PTPN3: variants seen among roughly 807,000 people sequenced by gnomAD.
PTPN3 encodes tyrosine-protein phosphatase non-receptor type 3.
Under a neutral mutation model 132.7 loss-of-function variants are expected in PTPN3, and 96 were observed. The observed-to-expected ratio is 0.72, with a 90% CI of 0.61 to 0.86. PTPN3 has a LOEUF of 0.86. Ranked by LOEUF, PTPN3 falls within the 40% of genes least tolerant of loss-of-function variation. The pLI is 0.00. For missense variants in PTPN3, 1,125 were observed against 1,159.6 expected (o/e 0.97, Z 0.43); for synonymous variants, 398 against 429.0 (o/e 0.93, Z 0.89).
Position 109,385,407 on chromosome 9 carries a change from C to T in PTPN3, c.2254-1856G>A, listed in dbSNP as rs368974307. On this transcript the variant is annotated intron_variant, in intron 22 of 25. Transcript: ENST00000374541. ...ATTCTGAAGCTTCATATCTTCAGAA[C>T]GGTAGATGCTAAGCACTGAATGGTG... Among the ~76,000 whole-genome samples, 422 of 152,306 alleles carry T rather than the reference C, an allele frequency of 2.8e-3. 24 individuals are homozygous for T. The South Asian group carries it at 0.079, about 29-fold the overall frequency.
intron 5 of PTPN3, chr9:109,451,301 C>T (rs1309986261): frequency 1.0e-6 from 1 of 984,994 alleles, no homozygotes; most frequent in Non-Finnish European, 1.2e-6. Flanking sequence ...CCCACCATGG[C>T]TCCTGTTGCA....
intron 1 of PTPN3, among the ~76,000 whole-genome samples, chr9:109,465,314 C>T (rs753647355): frequency 1.3e-5 from 2 of 152,118 alleles, no homozygotes; most frequent in East Asian, 1.9e-4. Flanking sequence ...CGGTGGTTCA[C>T]GCCTGTAATC....
chr9:109,400,153 C>T (rs1232324817), intron 19 of PTPN3, among the ~76,000 whole-genome samples: 1 of 151,938 alleles, frequency 6.6e-6, no homozygotes, highest in Admixed American at 6.5e-5. Context: ...GTCTCAAACT[C>T]CTGGCCTCAA....
chr9:109,425,475 C>T (rs1169301532), intron 12 of PTPN3, among the ~76,000 whole-genome samples: 2 of 152,032 alleles, frequency 1.3e-5, no homozygotes, highest in African/African-American at 2.4e-5. Flanking sequence ...CTTTGGGAGG[C>T]CGAGGCAGGC....
At chr9:109,393,257 C>A (rs900416530) in intron 19 of PTPN3, among the ~76,000 whole-genome samples, 11 of 152,048 alleles carry the variant, frequency 7.2e-5, no homozygotes, top group Admixed American at 2.0e-4. Flanking sequence ...GTTCAATAAT[C>A]TAGTTTACTA....
At chr9:109,408,505 G>C (rs998784130) in intron 16 of PTPN3, 128 bp from the exon 17 acceptor site, 1 of 617,052 alleles carries the variant, frequency 1.6e-6, no homozygotes, top group Non-Finnish European at 2.8e-6. Flanking sequence ...TTGGTACAGG[G>C]AGGCTTCAAA....
chr9:109,406,760 T>TACAA, intron 17 of PTPN3, 142 bp from the exon 18 acceptor site: 13 of 949,264 alleles, frequency 1.4e-5, no homozygotes, highest in Non-Finnish European at 1.9e-5. Flanking sequence ...TCATTATTTG[T>TACAA]ATAATGCATC....
In PTPN3 at chr9:109,404,538, G is replaced by C; in HGVS notation, c.1863C>G (p.Pro621=). Residue 621 remains proline, a synonymous_variant, in exon 19 of 26, where the codon CCC becomes CCG. Transcript: ENST00000374541. Reference sequence around the variant, plus strand: ...AAGTGTCCCCACCCTCCGGACACATGGGGAAAATGGCTTCGGGGAAAAGCT... The same window carrying C: ...AAGTGTCCCCACCCTCCGGACACATCGGGAAAATGGCTTCGGGGAAAAGCT... ...LNQLFPEAIF[P]MCPEGGDTLE... 1 of 1,569,332 alleles carries C rather than the reference G, an allele frequency of 6.4e-7. No homozygotes were observed. The highest frequency in any genetic ancestry group is 8.7e-7 in the Non-Finnish European group (1 of 1,151,178).
At chr9:109,512,574 C>CA in the PTPN3 span, among the ~76,000 whole-genome samples, 1 of 152,212 alleles carries the variant, frequency 6.6e-6, no homozygotes, top group Non-Finnish European at 1.5e-5. Context: ...TCCTGAATGC[C>CA]ATGAAGACTA....
At chr9:109,428,007 T>C (rs950257985) in intron 11 of PTPN3, among the ~76,000 whole-genome samples, 4 of 152,128 alleles carry the variant, frequency 2.6e-5, no homozygotes, top group Admixed American at 2.0e-4. Context: ...GCAAATGGAG[T>C]TATCACAGTG....
Position 109,391,543 on chromosome 9 carries a change from G to C in PTPN3, c.1972C>G (p.Pro658Ala). The C allele has an allele frequency of 6.2e-7, 1 of 1,613,650 alleles. No homozygotes were observed. Among genetic ancestry groups the C allele is most frequent in the Non-Finnish European group, 8.5e-7 (1 of 1,179,702 alleles). ...TTTGCAAACGTGATGGCCAAACCTG[G>C]CTTTTTTCTGTAGAGTTGCTATGTG... The part of the protein sequence containing the change: ...IQFEQLYRKK[P>A]GLAITFAKLP... The change falls in exon 20 of 26, where the codon CCA (proline) becomes GCA (alanine). Residue 658 changes from proline (P) to alanine (A), a missense_variant. Physicochemically the swap from Pro to Ala is conservative, Grantham distance 27 (BLOSUM62 -1). Coordinates refer to ENST00000374541, the MANE Select transcript of PTPN3 (RefSeq NM_002829.4).
intron 14 of PTPN3, among the ~76,000 whole-genome samples, chr9:109,419,023 G>C (rs1842714611): frequency 6.6e-6 from 1 of 152,198 alleles, no homozygotes; most frequent in Non-Finnish European, 1.5e-5. Flanking sequence ...TTCTAGATGT[G>C]CTTGTGGTTT....
At chr9:109,465,706 C>CAAAAAAAAAAAAAAAAAAAAAAAAAAAA (rs34634972) in intron 1 of PTPN3, among the ~76,000 whole-genome samples, 2 of 64,832 alleles carry the variant, frequency 3.1e-5, no homozygotes, top group African/African-American at 6.4e-5. Context: ...AACTCTGTCT[C>CAAAAAAAAAAAAAAAAAAAAAAAAAAAA]AAAAAAAAAA....
Position 109,382,293 on chromosome 9 carries a change from G to A in PTPN3, c.2528+9C>T. 1 of 1,613,412 alleles carries A rather than the reference G, an allele frequency of 6.2e-7. No individual in the cohort carries two copies. Among genetic ancestry groups the A allele is most frequent in the Non-Finnish European group, 8.5e-7 (1 of 1,179,542 alleles). On this transcript the variant is annotated intron_variant, in intron 24 of 25. Transcript: ENST00000374541. Reference sequence around the variant, plus strand: ...GATTCCAAACCTAACAAAACAGCAAGCGCCATACCTGCAGTGAACTAGGAC... The same window carrying A: ...GATTCCAAACCTAACAAAACAGCAAACGCCATACCTGCAGTGAACTAGGAC...
At chr9:109,531,857 TA>T in the PTPN3 span, among the ~76,000 whole-genome samples, 130,133 of 151,104 alleles carry the variant, frequency 0.86, 56,052 homozygotes, top group South Asian at 0.94. Flanking sequence ...ACTTGGAGGT[TA>T]AAAAAAAAAA....
At chr9:109,532,803 T>C in the PTPN3 span, 17 of 685,532 alleles carry the variant, frequency 2.5e-5, no homozygotes, top group Non-Finnish European at 3.5e-5. Context: ...ACTACACCGG[T>C]TGATGATAGA....
At chr9:109,498,689 C>G (rs1847799420), upstream of PTPN3, among the ~76,000 whole-genome samples, 1 of 152,188 alleles carries the variant, frequency 6.6e-6, no homozygotes, top group Non-Finnish European at 1.5e-5. This position sits in a 1 kb window ranked among gnomAD's most constrained non-coding sequence, Gnocchi z 4.2. Flanking sequence ...CAGTGCTCGT[C>G]CCTTGGCACT....
rs1839861270 is a variant in PTPN3 at position 109,389,310 on chromosome 9, C to T, written c.2176G>A (p.Ala726Thr). 2.5e-6 allele frequency: 4 copies of T among 1,614,212 alleles called. No homozygotes were observed. Among genetic ancestry groups the T allele is most frequent in the Middle Eastern group, 1.6e-4 (1 of 6,062 alleles). The change falls in exon 22 of 26, where the codon GCA becomes ACA. Residue 726 changes from alanine (A) to threonine (T), a missense_variant. Transcript: ENST00000374541. ...TCCCAGACAACCTGCCAAAACTGTG[C>T]ACAGGTATGCGGCAGGGGCCCCTGA... The part of the protein sequence containing the change: ...ATQGPLPHTC[A>T]QFWQVVWDQK...
intron 1 of PTPN3, among the ~76,000 whole-genome samples, chr9:109,479,962 T>C (rs1221442418): frequency 6.6e-6 from 1 of 152,234 alleles, no homozygotes; most frequent in Non-Finnish European, 1.5e-5. Context: ...AGGGTTACTA[T>C]TCCTCCACAT....
Sources: allele counts gnomAD v4.1 joint callset (sites outside exome capture counted in the v4.1 genomes callset), GRCh38; gene constraint gnomAD v4.1.1; non-coding constraint Gnocchi (gnomAD v3.1); transcripts MANE v1.5; gene names NCBI Gene and HGNC (gene_info 2026-07-23, HGNC 2026-07-21).